PPP1R10: variants seen among roughly 807,000 people sequenced by gnomAD.
PPP1R10 encodes the protein protein phosphatase 1 regulatory subunit 10, also known as serine/threonine-protein phosphatase 1 regulatory subunit 10.
PPP1R10 carries 15 observed loss-of-function variants against 99.0 expected under a neutral mutation model. The observed-to-expected ratio is 0.15, with a 90% confidence interval of 0.10 to 0.23. PPP1R10 has a LOEUF of 0.23. Among genes scored for constraint, PPP1R10 ranks in the 10% least tolerant of loss-of-function variants. The pLI is 1.00. For synonymous variants in PPP1R10, 430 were observed against 449.5 expected (o/e 0.96, Z 0.55); for missense variants, 947 against 1,259.4 (o/e 0.75, Z 3.75).
Position 30,603,788 on chromosome 6 carries a change from G to A in PPP1R10, c.1564C>T (p.Leu522=), listed in dbSNP as rs1311100665. The A allele has an allele frequency of 1.3e-6, 2 of 1,543,060 alleles. No homozygotes were observed. The highest frequency in any genetic ancestry group is 1.7e-6 in the Non-Finnish European group (2 of 1,146,592). Reference sequence around the variant, plus strand: ...ACAGAACATTGACTTACCTCATCTAGGGGGATGAGTTTAGGGGGTATGGGC... The same window carrying A: ...ACAGAACATTGACTTACCTCATCTAAGGGGATGAGTTTAGGGGGTATGGGC... The part of the protein sequence containing the change: ...YEPIPPKLIP[L]DEECSMDETP... Residue 522 remains leucine (L), a synonymous_variant, in exon 15 of 20, where the codon CTA becomes TTA. Coordinates refer to ENST00000376511, the MANE Select transcript of PPP1R10 (RefSeq NM_002714.4).
chr6:30,601,876 C>T, intron 19 of PPP1R10, 60 bp downstream of exon 19: 2 of 1,451,328 alleles, frequency 1.4e-6, no homozygotes, highest in Non-Finnish European at 1.8e-6. Context: ...CTCTCACCCA[C>T]TCCCCAAAAG....
Position 30,602,302 on chromosome 6 carries a change from G to A in PPP1R10, c.2347C>T (p.Pro783Ser). The A allele has an allele frequency of 6.2e-7, 1 of 1,612,794 alleles. No homozygotes were observed. The highest frequency in any genetic ancestry group is 8.5e-7 in the Non-Finnish European group (1 of 1,179,864). The change falls in exon 19 of 20, where the codon CCC (proline) becomes TCC (serine). Residue 783 changes from proline (P) to serine (S), a missense_variant. Around this residue, in one of 10 missense-constraint regions of PPP1R10, gnomAD observed 525 missense variants for 578.8 expected, o/e 0.91. Coordinates refer to ENST00000376511, the MANE Select transcript of PPP1R10 (RefSeq NM_002714.4). This position sits in a 1 kb window ranked among gnomAD's most constrained non-coding sequence, Gnocchi z 6.7. Reference sequence around the variant, plus strand: ...ATGCTACCACCAGGGCCTTCATGGGGGCGATGCCCACTTCCCATGCCACCG... The same window carrying A: ...ATGCTACCACCAGGGCCTTCATGGGAGCGATGCCCACTTCCCATGCCACCG... ...PGGGMGSGHRPHEGPGGSMGG... is the reference protein window; with the variant it reads ...PGGGMGSGHRSHEGPGGSMGG...
chr6:30,606,685 A>G lies in PPP1R10; in HGVS notation c.461-44T>C, dbSNP rs2127442646. 6.2e-7 allele frequency: 1 copy of G among 1,613,216 alleles called. No individual in the cohort carries two copies. The highest frequency in any genetic ancestry group is 2.2e-5 in the East Asian group (1 of 44,886). ...GCAGAAAAGGATTTTATTTAGATGAACACTGTCAGAGGTGAAGCAGACTGG... is the reference window on the plus strand; with the variant it reads ...GCAGAAAAGGATTTTATTTAGATGAGCACTGTCAGAGGTGAAGCAGACTGG... On this transcript the variant is annotated intron_variant, in intron 7 of 19. Transcript: ENST00000376511. This position sits in a 1 kb window ranked among gnomAD's most constrained non-coding sequence, Gnocchi z 6.3.
chr6:30,610,190 G>C lies in PPP1R10; in HGVS notation c.-11-235C>G, dbSNP rs555184901. The stretch of plus-strand genomic sequence containing the variant: ...ATGTGACTGAACAGGAAAGCAATTC[G>C]ATTGGAGGAGTAGGGCAGCACACCT... On this transcript the variant is annotated intron_variant, in intron 2 of 19. Coordinates refer to ENST00000376511, the MANE Select transcript of PPP1R10 (RefSeq NM_002714.4). Among the ~76,000 whole-genome samples the C allele has an allele frequency of 2.6e-5, 4 of 152,276 alleles. No homozygotes were observed. The South Asian group carries it at 8.3e-4, about 32-fold the overall frequency.
intron 4 of PPP1R10, 73 bp from the exon 5 acceptor site, chr6:30,608,987 G>A: frequency 6.2e-7 from 1 of 1,610,918 alleles, no homozygotes; most frequent in Non-Finnish European, 8.5e-7. Flanking sequence ...TACAATCCCA[G>A]TCTCCCATCA....
At chr6:30,611,398 G>C (rs1804539774) in intron 2 of PPP1R10, among the ~76,000 whole-genome samples, 1 of 152,190 alleles carries the variant, frequency 6.6e-6, no homozygotes, top group South Asian at 2.1e-4. Context: ...GAGTAGCAAG[G>C]AAGAGGCAAG....
chr6:30,608,644 TC>T, intron 5 of PPP1R10, 134 bp downstream of exon 5: 1 of 1,163,220 alleles, frequency 8.6e-7, no homozygotes, highest in Non-Finnish European at 1.2e-6. Flanking sequence ...CAAGTCTTCT[TC>T]TTCTAAATTC....
At chr6:30,612,200 T>C (rs1804631859) in intron 2 of PPP1R10, among the ~76,000 whole-genome samples, 2 of 152,220 alleles carry the variant, frequency 1.3e-5, no homozygotes, top group Admixed American at 6.5e-5. Flanking sequence ...TAAACATCAT[T>C]TCAAACCAGT....
At chr6:30,603,130 T>C in intron 17 of PPP1R10, 80 bp downstream of exon 17, 1 of 1,506,754 alleles carries the variant, frequency 6.6e-7, no homozygotes, top group Non-Finnish European at 9.2e-7. Context: ...TGTATTCTTC[T>C]GCATCTTTGA....
rs1804319237 is a variant in PPP1R10 at position 30,609,395 on chromosome 6, G to GT, written c.108-233dup. ...TGGGGAGGAGAGCATCGCTGCCTCCGTAACACACAGGATGAATTCCATTCT... is the reference window on the plus strand; with the variant it reads ...TGGGGAGGAGAGCATCGCTGCCTCCGTTAACACACAGGATGAATTCCATTCT... On this transcript the variant is annotated intron_variant, in intron 3 of 19. Coordinates refer to ENST00000376511, the MANE Select transcript of PPP1R10 (RefSeq NM_002714.4). The surrounding 1 kb of genome is among the most constrained non-coding windows in gnomAD (Gnocchi z 4.5). 6.6e-6 allele frequency among the ~76,000 whole-genome samples: 1 copy of GT among 152,076 alleles called. No homozygotes were observed. The highest frequency in any genetic ancestry group is 2.4e-5 in the African/African-American group (1 of 41,378).
At chr6:30,615,522 G>A (rs1177454532) in intron 2 of PPP1R10, among the ~76,000 whole-genome samples, 2 of 152,096 alleles carry the variant, frequency 1.3e-5, no homozygotes, top group Non-Finnish European at 2.9e-5. Context: ...AACGCCGCTT[G>A]GAAGACAAAA....
At chr6:30,608,935 C>CT in intron 4 of PPP1R10, 21 bp from the exon 5 acceptor site, 2 of 1,613,994 alleles carry the variant, frequency 1.2e-6, no homozygotes, top group Non-Finnish European at 1.7e-6. Context: ...GCAGGAGAGT[C>CT]TATCAGTAAT....
chr6:30,613,538 T>A (rs1804765865), intron 2 of PPP1R10, among the ~76,000 whole-genome samples: 1 of 152,114 alleles, frequency 6.6e-6, no homozygotes, highest in African/African-American at 2.4e-5. Flanking sequence ...AGTAAGCCCC[T>A]ACCCCTCAGT....
chr6:30,612,893 A>T (rs1804700376), intron 2 of PPP1R10, among the ~76,000 whole-genome samples: 1 of 152,194 alleles, frequency 6.6e-6, no homozygotes. Context: ...CCTACTCAAG[A>T]TCTGGAGTCT....
At chr6:30,610,440 C>T (rs1804445091) in intron 2 of PPP1R10, among the ~76,000 whole-genome samples, 1 of 152,160 alleles carries the variant, frequency 6.6e-6, no homozygotes, top group Non-Finnish European at 1.5e-5. Flanking sequence ...TCTTATAAGA[C>T]TTGAGTCCTT....
rs1803443138 is a variant in PPP1R10 at position 30,602,424 on chromosome 6, C to T, written c.2225G>A (p.Gly742Asp). 6.2e-7 allele frequency: 1 copy of T among 1,609,082 alleles called. No individual in the cohort carries two copies. The highest frequency in any genetic ancestry group is 1.7e-5 in the Admixed American group (1 of 59,856). The part of the protein sequence containing the change: ...GGPPNGRGGP[G>D]GGMVGGGGHR... ...CCCACCACCTCCAACCATGCCCCCA[C>T]CAGGGCCCCCTCGTCCATTTGGGGG... is the stretch of plus-strand genomic sequence containing the variant. The change falls in exon 19 of 20, where the codon GGT becomes GAT. Residue 742 changes from glycine to aspartate, a missense_variant. Coordinates refer to ENST00000376511, the MANE Select transcript of PPP1R10 (RefSeq NM_002714.4). This position sits in a 1 kb window ranked among gnomAD's most constrained non-coding sequence, Gnocchi z 6.7.
Position 30,606,125 on chromosome 6 carries a change from A to G in PPP1R10, c.740+13T>C. ...GATCCACCCCATTCAGAGCCTGAGA[A>G]TATGGTCCATACCTCTGACGTTTGA... On this transcript the variant is annotated intron_variant, in intron 9 of 19. Coordinates refer to ENST00000376511, the MANE Select transcript of PPP1R10 (RefSeq NM_002714.4). This position sits in a 1 kb window ranked among gnomAD's most constrained non-coding sequence, Gnocchi z 6.3. 1 of 1,613,680 alleles carries G rather than the reference A, an allele frequency of 6.2e-7. No homozygotes were observed. The highest frequency in any genetic ancestry group is 8.5e-7 in the Non-Finnish European group (1 of 1,179,654).
In PPP1R10 at chr6:30,604,987, C is replaced by T; in HGVS notation, c.954+7G>A. 6.2e-7 allele frequency: 1 copy of T among 1,611,442 alleles called. No homozygotes were observed. Among genetic ancestry groups the T allele is most frequent in the Non-Finnish European group, 8.5e-7 (1 of 1,178,590 alleles). Reference sequence around the variant, plus strand: ...TGTCACTGAAACCTACTTCTGGGAGCCCATACCTTGGCAGCCGTAGGTGAC... The same window carrying T: ...TGTCACTGAAACCTACTTCTGGGAGTCCATACCTTGGCAGCCGTAGGTGAC... On this transcript the variant is annotated splice_region_variant and intron_variant, in intron 11 of 19. Coordinates refer to ENST00000376511, the MANE Select transcript of PPP1R10 (RefSeq NM_002714.4). This position sits in a 1 kb window ranked among gnomAD's most constrained non-coding sequence, Gnocchi z 7.3.
At chr6:30,610,735 A>G (rs1328958801) in intron 2 of PPP1R10, among the ~76,000 whole-genome samples, 2 of 152,226 alleles carry the variant, frequency 1.3e-5, no homozygotes, top group East Asian at 3.8e-4. Flanking sequence ...AAAGATGCGA[A>G]TCTGGTCCTC....
Sources: allele counts gnomAD v4.1 joint callset (sites outside exome capture counted in the v4.1 genomes callset), GRCh38; gene constraint gnomAD v4.1.1; regional missense constraint gnomAD v4.1.1; non-coding constraint Gnocchi (gnomAD v3.1); transcripts MANE v1.5; gene names NCBI Gene and HGNC (gene_info 2026-07-23, HGNC 2026-07-21).